BACE2: variants seen among roughly 807,000 people sequenced by gnomAD.
BACE2 encodes beta-secretase 2.
BACE2 carries 17 observed loss-of-function variants against 46.2 expected under a neutral mutation model. The ratio of observed to expected loss-of-function variants is 0.37; its 90% CI spans 0.25 to 0.55. BACE2 has a LOEUF of 0.55. BACE2 is among the 20% of genes least tolerant of loss of function. The probability of loss-of-function intolerance (pLI) is 0.82; values close to 1 mark genes in which losing one functional copy is unlikely to be tolerated. For missense variants in BACE2, 595 were observed against 698.1 expected, an observed-to-expected ratio of 0.85 and a Z score of 1.66; for synonymous variants, 277 against 295.9, an observed-to-expected ratio of 0.94 and a Z score of 0.66.
chr21:41,203,539 T>C (rs1439538292), intron 1 of BACE2, among the ~76,000 whole-genome samples: 1 of 151,222 alleles, frequency 6.6e-6, no homozygotes, highest in Non-Finnish European at 1.5e-5. Flanking sequence ...GAATGAGGAG[T>C]GTGGTTTTGG....
rs533319045 is a variant in BACE2, at chr21:41,220,878, A to G, written c.313-5388A>G. Among the ~76,000 whole-genome samples, 20 of 152,052 alleles carry G rather than the reference A, an allele frequency of 1.3e-4. 1 individual carries two copies. The East Asian group carries it at 3.5e-3, about 26-fold the overall frequency. Reference sequence around the variant, plus strand: ...TACTAAAACGAAGAGGTTTAAAGTAACATTTATAGTCTCATTATTTAGAGT... The same window carrying G: ...TACTAAAACGAAGAGGTTTAAAGTAGCATTTATAGTCTCATTATTTAGAGT... On this transcript the variant is annotated intron_variant, in intron 1 of 8. Coordinates refer to ENST00000330333, the MANE Select transcript of BACE2 (RefSeq NM_012105.5).
At position 41,257,270 on chromosome 21, in the gene BACE2, A is replaced by G. The variant is rs757507658; in HGVS notation, c.1247A>G (p.Tyr416Cys). The change falls in exon 8 of 9, where the codon TAC becomes TGC. Residue 416 changes from tyrosine (Y) to cysteine (C), a missense_variant. Tyr to Cys is a radical substitution (Grantham distance 194). Transcript: ENST00000330333. The part of the protein sequence containing the change: ...VIGATVMEGF[Y>C]VIFDRAQKRV... ...GGTGCCACGGTGATGGAGGGCTTCTACGTCATCTTCGACAGAGCCCAGAAG... is the reference window on the plus strand; with the variant it reads ...GGTGCCACGGTGATGGAGGGCTTCTGCGTCATCTTCGACAGAGCCCAGAAG... The G allele has an allele frequency of 1.2e-6, 2 of 1,614,032 alleles. No individual in the cohort carries two copies. Among genetic ancestry groups the G allele is most frequent in the South Asian group, 1.1e-5 (1 of 91,078 alleles).
rs1015570306 is a variant in BACE2, at chr21:41,197,649, T to C, written c.313-28617T>C. Among the ~76,000 whole-genome samples, 17 of 151,326 alleles carry C rather than the reference T, an allele frequency of 1.1e-4. 5 individuals are homozygous for C. Among genetic ancestry groups the C allele is most frequent in the East Asian group, 2.0e-4 (1 of 5,122 alleles). ...GTAAAAATCTTCCAAATAATTTTGCTTGTGTTAAAAAAAAAAAATGGAAAT... is the reference window on the plus strand; with the variant it reads ...GTAAAAATCTTCCAAATAATTTTGCCTGTGTTAAAAAAAAAAAATGGAAAT... On this transcript the variant is annotated intron_variant, in intron 1 of 8. Coordinates refer to ENST00000330333, the MANE Select transcript of BACE2 (RefSeq NM_012105.5).
chr21:41,246,117 C>A, intron 6 of BACE2, 54 bp downstream of exon 6: 1 of 1,417,216 alleles, frequency 7.1e-7, no homozygotes. Flanking sequence ...CAGTCACCTG[C>A]TGAGGAGCAG....
Position 41,278,681 on chromosome 21 carries a change from T to G in BACE2, c.*3057T>G, listed in dbSNP as rs1345447118. 2 of 152,196 alleles carry G rather than the reference T, an allele frequency of 1.3e-5. No individual in the cohort carries two copies. Among genetic ancestry groups the G allele is most frequent in the Admixed American group, 1.3e-4 (2 of 15,278 alleles). 9.4% of individuals were successfully genotyped at this position (152,196 alleles called of 1,614,324 possible). A position where few individuals can be genotyped will look rare whatever the true frequency, so the allele number is the denominator to read the frequency against. ...ATAGATTTTGAAAAGCAATTGTGAG[T>G]TGGGGATTCCATCATTTCATTTAAG... is the stretch of plus-strand genomic sequence containing the variant. On this transcript the variant is annotated 3_prime_UTR_variant, in exon 9 of 9. Transcript: ENST00000330333.
rs192131353 is a variant in BACE2 at position 41,179,024 on chromosome 21, G to A, written c.312+10449G>A. The stretch of plus-strand genomic sequence containing the variant: ...AGGAGGACTGAGCCTTCAGAAGTTA[G>A]GGAAAGCGTGTCCCAGGCTGCAGCC... On this transcript the variant is annotated intron_variant, in intron 1 of 8. Coordinates refer to ENST00000330333, the MANE Select transcript of BACE2 (RefSeq NM_012105.5). 2.4e-3 allele frequency: 2,543 copies of A among 1,047,978 alleles called. 3 individuals are homozygous for A. The highest frequency in any genetic ancestry group is 3.6e-3 in the South Asian group (217 of 59,912). The allele number at this position is 1,047,978 out of a possible 1,614,324, so 64.9% of individuals were successfully genotyped here.
At chr21:41,255,735 A>G (rs548575422) in intron 7 of BACE2, among the ~76,000 whole-genome samples, 1 of 151,542 alleles carries the variant, frequency 6.6e-6, no homozygotes, top group Non-Finnish European at 1.5e-5. Context: ...CTAAACTCTG[A>G]CTTTTTTTTT....
intron 6 of BACE2, among the ~76,000 whole-genome samples, chr21:41,248,248 A>G (rs979495811): frequency 6.6e-6 from 1 of 151,878 alleles, no homozygotes; most frequent in South Asian, 2.1e-4. Flanking sequence ...TAACTTTAAC[A>G]CTCTGTGATC....
chr21:41,246,052 C>T lies in BACE2; in HGVS notation c.973C>T (p.Arg325Cys), dbSNP rs1250890216. 11 of 1,602,764 alleles carry T rather than the reference C, an allele frequency of 6.9e-6. No individual in the cohort carries two copies. The highest frequency in any genetic ancestry group is 1.1e-5 in the South Asian group (1 of 88,916). Residue 325 changes from arginine (R) to cysteine (C), a missense_variant, in exon 6 of 9, where the codon CGC (arginine) becomes TGC (cysteine). Coordinates refer to ENST00000330333, the MANE Select transcript of BACE2 (RefSeq NM_012105.5). ...TGATGCGGTGGTGGAAGCTGTGGCCCGCGCATCTCTGGTGAGTCCTCGGGA... is the reference window on the plus strand; with the variant it reads ...TGATGCGGTGGTGGAAGCTGTGGCCTGCGCATCTCTGGTGAGTCCTCGGGA... ...VFDAVVEAVA[R>C]ASLIPEFSDG...
At chr21:41,213,689 G>A (rs1296334667) in intron 1 of BACE2, among the ~76,000 whole-genome samples, 6 of 152,108 alleles carry the variant, frequency 3.9e-5, no homozygotes, top group Admixed American at 2.6e-4. Flanking sequence ...CAGGAGAGTC[G>A]CTTGAACCCG....
At chr21:41,246,209 A>G (rs1035362354) in intron 6 of BACE2, 146 bp downstream of exon 6, 4 of 472,582 alleles carry the variant, frequency 8.5e-6, no homozygotes, top group Admixed American at 7.7e-5. Flanking sequence ...TTTTATATGT[A>G]ATAGTATAGG....
intron 8 of BACE2, among the ~76,000 whole-genome samples, chr21:41,269,556 G>A (rs1030112011): frequency 6.6e-6 from 1 of 152,264 alleles, no homozygotes. Flanking sequence ...CTGTAGACTA[G>A]TTTGTATTTG....
intron 1 of BACE2, chr21:41,186,871 A>G (rs180739024): frequency 6.6e-6 from 1 of 152,408 alleles, no homozygotes; most frequent in East Asian, 1.9e-4. Context: ...AGATACTTCT[A>G]GGATGAGGGT....
intron 2 of BACE2, among the ~76,000 whole-genome samples, chr21:41,232,999 G>A (rs998753566): frequency 1.3e-5 from 2 of 151,658 alleles, no homozygotes; most frequent in Admixed American, 6.6e-5. Flanking sequence ...CTCCCGAGTA[G>A]CTGGGACTAC....
intron 8 of BACE2, among the ~76,000 whole-genome samples, chr21:41,262,436 A>G (rs1338238486): frequency 6.6e-6 from 1 of 151,800 alleles, no homozygotes; most frequent in Non-Finnish European, 1.5e-5. Flanking sequence ...ATATAGTTTT[A>G]TTTATTTTTT....
At chr21:41,172,303 GA>G (rs1160906505) in intron 1 of BACE2, among the ~76,000 whole-genome samples, 1 of 152,208 alleles carries the variant, frequency 6.6e-6, no homozygotes, top group Non-Finnish European at 1.5e-5. Context: ...AACAAGGAGG[GA>G]CAGGAGTCTG....
intron 2 of BACE2, among the ~76,000 whole-genome samples, chr21:41,234,959 C>T (rs193287109): frequency 1.6e-4 from 25 of 152,298 alleles, no homozygotes; most frequent in Admixed American, 8.5e-4. Flanking sequence ...TTTATGATCA[C>T]GGTGGAGTGA....
chr21:41,226,485 T>C, intron 2 of BACE2, 131 bp downstream of exon 2: 5 of 726,166 alleles, frequency 6.9e-6, no homozygotes, highest in Non-Finnish European at 1.2e-5. Context: ...TATGTGTATG[T>C]ATACACACAT....
intron 2 of BACE2, among the ~76,000 whole-genome samples, chr21:41,235,645 C>T (rs1054422624): frequency 1.8e-4 from 28 of 151,884 alleles, no homozygotes; most frequent in African/African-American, 6.8e-4. Flanking sequence ...GAGACTAGCT[C>T]GGGCAATATA....
Sources: gnomAD v4.1 joint callset for allele counts (sites outside exome capture counted in the v4.1 genomes callset) on GRCh38, gnomAD v4.1.1 for gene constraint, MANE v1.5 for transcripts, NCBI Gene and HGNC (gene_info 2026-07-23, HGNC 2026-07-21) for gene names.